The following TUBGCP4 variants were observed in gnomAD, a reference collection of about 807,000 sequenced individuals.
The protein encoded by TUBGCP4 is tubulin gamma complex component 4, also known as gamma-tubulin complex component 4.
A neutral mutation model predicts 91.6 loss-of-function variants in TUBGCP4; 54 were observed. The observed-to-expected ratio is 0.59, with a 90% CI of 0.47 to 0.74. The LOEUF (loss-of-function observed/expected upper bound fraction) is 0.74, where lower values mean the gene tolerates loss of function less well. TUBGCP4 is among the 30% of genes least tolerant of loss of function. The pLI, the probability that TUBGCP4 is intolerant of heterozygous loss-of-function variation, is 0.00. For synonymous variants in TUBGCP4, 297 were observed against 302.8 expected (o/e 0.98, Z 0.20); for missense variants, 593 against 800.9 (o/e 0.74, Z 3.13).
intron 14 of TUBGCP4, 44 bp from the exon 15 acceptor site, chr15:43,401,672 C>G: frequency 6.2e-7 from 1 of 1,605,942 alleles, no homozygotes; most frequent in South Asian, 1.1e-5. Context: ...TCTTCGAGTG[C>G]TTAGAATATG....
intron 6 of TUBGCP4, among the ~76,000 whole-genome samples, chr15:43,382,693 CT>C (rs1301128691): frequency 6.6e-6 from 1 of 152,160 alleles, no homozygotes; most frequent in African/African-American, 2.4e-5. Context: ...GATCACTTGG[CT>C]TAGGTGTTTT....
Position 43,393,850 on chromosome 15 carries a change from G to A in TUBGCP4, c.1015-1257G>A, listed in dbSNP as rs137907288. The stretch of plus-strand genomic sequence containing the variant: ...TTTACGATTAACAAAATGTGGTTTC[G>A]ATCTCTTGACCTTGTGCTCTGCCCA... On this transcript the variant is annotated intron_variant, in intron 9 of 17. Transcript: ENST00000564079. Among the ~76,000 whole-genome samples the A allele has an allele frequency of 5.9e-5, 9 of 152,222 alleles. No individual in the cohort carries two copies. In the East Asian group the frequency reaches 1.5e-3, roughly 26 times the overall value.
chr15:43,409,419 T>C lies in TUBGCP4; in HGVS notation c.*4205T>C. ...CTAAACATAAACATCAATCTTCTTTTGTCCCAGCAACAGAACCATAGCCAT... is the reference window on the plus strand; with the variant it reads ...CTAAACATAAACATCAATCTTCTTTCGTCCCAGCAACAGAACCATAGCCAT... On this transcript the variant is annotated 3_prime_UTR_variant, in exon 18 of 18. Coordinates refer to ENST00000564079, the MANE Select transcript of TUBGCP4 (RefSeq NM_014444.5). The C allele has an allele frequency of 3.7e-6, 2 of 539,324 alleles. No homozygotes were observed. The highest frequency in any genetic ancestry group is 6.6e-6 in the Non-Finnish European group (2 of 305,314). The allele number at this position is 539,324 out of a possible 1,614,324, so 33.4% of individuals were successfully genotyped here. A position where few individuals can be genotyped will look rare whatever the true frequency, so the allele number is the denominator to read the frequency against.
Position 43,407,307 on chromosome 15 carries a change from A to C in TUBGCP4, c.*2093A>C. 1.5e-6 allele frequency: 2 copies of C among 1,313,820 alleles called. No homozygotes were observed. Among genetic ancestry groups the C allele is most frequent in the Non-Finnish European group, 2.2e-6 (2 of 925,202 alleles). 81.4% of individuals were successfully genotyped at this position (1,313,820 alleles called of 1,614,324 possible). A position where few individuals can be genotyped will look rare whatever the true frequency, so the allele number is the denominator to read the frequency against. On this transcript the variant is annotated 3_prime_UTR_variant, in exon 18 of 18. Transcript: ENST00000564079. ...ATCCATGCAAGGAATCCAGTTACAC[A>C]CAAGACACATTTAAAACCTGGTTAA...
chr15:43,408,743 T>C lies in TUBGCP4; in HGVS notation c.*3529T>C, dbSNP rs913476658. 10 of 705,236 alleles carry C rather than the reference T, an allele frequency of 1.4e-5. No homozygotes were observed. Among genetic ancestry groups the C allele is most frequent in the Non-Finnish European group, 2.1e-5 (9 of 428,770 alleles). 43.7% of individuals were successfully genotyped at this position (705,236 alleles called of 1,614,324 possible). A position where few individuals can be genotyped will look rare whatever the true frequency, so the allele number is the denominator to read the frequency against. On this transcript the variant is annotated 3_prime_UTR_variant, in exon 18 of 18. Transcript: ENST00000564079. Reference sequence around the variant, plus strand: ...GCCAATGTAACCTAGGGAAATAAACTAGATAAACTCCTGAAGTCATTTCAA... The same window carrying C: ...GCCAATGTAACCTAGGGAAATAAACCAGATAAACTCCTGAAGTCATTTCAA...
chr15:43,408,622 A>G lies in TUBGCP4; in HGVS notation c.*3408A>G. ...CCAAATCATGCTCCTGAGCCTATAT[A>G]TTTTTAATGCTTGCTTAAAACTTAG... On this transcript the variant is annotated 3_prime_UTR_variant, in exon 18 of 18. Coordinates refer to ENST00000564079, the MANE Select transcript of TUBGCP4 (RefSeq NM_014444.5). 2.3e-6 allele frequency: 1 copy of G among 430,096 alleles called. No homozygotes were observed. Among genetic ancestry groups the G allele is most frequent in the Non-Finnish European group, 4.3e-6 (1 of 233,804 alleles). 26.6% of individuals were successfully genotyped at this position (430,096 alleles called of 1,614,324 possible).
rs1426051933 is a variant in TUBGCP4, at chr15:43,408,230, C to T, written c.*3016C>T. 10 of 856,618 alleles carry T rather than the reference C, an allele frequency of 1.2e-5. No individual in the cohort carries two copies. Among genetic ancestry groups the T allele is most frequent in the Non-Finnish European group, 1.7e-5 (10 of 572,920 alleles). 53.1% of individuals were successfully genotyped at this position (856,618 alleles called of 1,614,324 possible). A position where few individuals can be genotyped will look rare whatever the true frequency, so the allele number is the denominator to read the frequency against. On this transcript the variant is annotated 3_prime_UTR_variant, in exon 18 of 18. Coordinates refer to ENST00000564079, the MANE Select transcript of TUBGCP4 (RefSeq NM_014444.5). ...TAGTGTCTCAAGCCTGTAATCCCAG[C>T]ACTTTGGGAGGCTGTCGTGGTTGGA... is the stretch of plus-strand genomic sequence containing the variant.
chr15:43,392,571 T>G (rs1470526613), intron 9 of TUBGCP4, among the ~76,000 whole-genome samples: 1 of 152,202 alleles, frequency 6.6e-6, no homozygotes, highest in East Asian at 1.9e-4. Flanking sequence ...TGATCTCGGC[T>G]CACTGCAACC....
At chr15:43,388,958 T>C (rs1400487839) in intron 9 of TUBGCP4, among the ~76,000 whole-genome samples, 1 of 152,200 alleles carries the variant, frequency 6.6e-6, no homozygotes, top group Non-Finnish European at 1.5e-5. Context: ...TTCTGTAAAG[T>C]TCAAAAACAG....
chr15:43,380,055 C>A, intron 5 of TUBGCP4, 29 bp from the exon 6 acceptor site: 1 of 1,608,088 alleles, frequency 6.2e-7, no homozygotes, highest in Middle Eastern at 1.7e-4. Context: ...AGAATGGAAT[C>A]CAGTTTGACA....
Position 43,371,191 on chromosome 15 carries a change from C to G in TUBGCP4, c.-164C>G. On this transcript the variant is annotated 5_prime_UTR_variant, in exon 1 of 18. Transcript: ENST00000564079. Reference sequence around the variant, plus strand: ...CCCCCGCGACCCCTTCCCAGCTTCCCGTCCGCTCCGCCGCAGCGATTGTCT... The same window carrying G: ...CCCCCGCGACCCCTTCCCAGCTTCCGGTCCGCTCCGCCGCAGCGATTGTCT... 1.4e-6 allele frequency: 1 copy of G among 704,394 alleles called. No individual in the cohort carries two copies. Among genetic ancestry groups the G allele is most frequent in the Non-Finnish European group, 2.4e-6 (1 of 418,196 alleles). The allele number at this position is 704,394 out of a possible 1,614,324, so 43.6% of individuals were successfully genotyped here. A position where few individuals can be genotyped will look rare whatever the true frequency, so the allele number is the denominator to read the frequency against.
chr15:43,390,664 AC>A (rs1329021547), intron 9 of TUBGCP4, among the ~76,000 whole-genome samples: 1 of 151,696 alleles, frequency 6.6e-6, no homozygotes, highest in Non-Finnish European at 1.5e-5. Flanking sequence ...GTGCACCACA[AC>A]GCCCAGCTAA....
intron 9 of TUBGCP4, chr15:43,394,343 A>T (rs1414002334): frequency 6.6e-6 from 1 of 152,142 alleles, no homozygotes; most frequent in South Asian, 2.1e-4. Flanking sequence ...CAGCCTCCTT[A>T]AGTCCTGGGA....
intron 2 of TUBGCP4, 93 bp downstream of exon 2, chr15:43,376,319 A>C: frequency 1.2e-6 from 2 of 1,603,808 alleles, no homozygotes; most frequent in East Asian, 4.5e-5. Flanking sequence ...TCAAGCTTTC[A>C]GTGAATTTAT....
At position 43,395,054 on chromosome 15, in the gene TUBGCP4, A is replaced by G. The variant is rs545117048; in HGVS notation, c.1015-53A>G. 188 of 1,583,858 alleles carry G rather than the reference A, an allele frequency of 1.2e-4. 4 individuals carry two copies. In the South Asian group the frequency reaches 2.0e-3, roughly 17 times the overall value. On this transcript the variant is annotated intron_variant, in intron 9 of 17. Transcript: ENST00000564079. ...GGATTTGTATGGAACCATTCTTTGC[A>G]GGAGTTCTCACTGTAATGAAATTTG...
At position 43,406,717 on chromosome 15, in the gene TUBGCP4, T is replaced by G. The variant is rs1263659531; in HGVS notation, c.*1503T>G. ...TGTGACAATAATAATAATAATAATA[T>G]TGGGTCTTTGACTAGAACGTGTAAC... is the stretch of plus-strand genomic sequence containing the variant. On this transcript the variant is annotated 3_prime_UTR_variant, in exon 18 of 18. Transcript: ENST00000564079. 1 of 420,934 alleles carries G rather than the reference T, an allele frequency of 2.4e-6. No homozygotes were observed. Among genetic ancestry groups the G allele is most frequent in the Non-Finnish European group, 4.7e-6 (1 of 213,396 alleles). The allele number at this position is 420,934 out of a possible 1,614,324, so 26.1% of individuals were successfully genotyped here.
chr15:43,400,251 G>T, intron 14 of TUBGCP4, 30 bp downstream of exon 14: 3 of 1,597,596 alleles, frequency 1.9e-6, no homozygotes, highest in Non-Finnish European at 2.6e-6. Flanking sequence ...TAGAAGGAAG[G>T]GGTACGGAAA....
Position 43,404,482 on chromosome 15 carries a change from G to A in TUBGCP4, c.1918G>A (p.Asp640Asn). Residue 640 changes from aspartate to asparagine, a missense_variant, in exon 17 of 18, where the codon GAT becomes AAT. Physicochemically the swap from Asp to Asn is conservative, Grantham distance 23. Coordinates refer to ENST00000564079, the MANE Select transcript of TUBGCP4 (RefSeq NM_014444.5). ...TGTTCGGAATCATCAGATCAACTCA[G>A]ATTTGGCTCAACTACTGTTACGACT... is the stretch of plus-strand genomic sequence containing the variant. ...SSVRNHQINS[D>N]LAQLLLRLDY... is the part of the protein sequence containing the mutation. 1.2e-6 allele frequency: 2 copies of A among 1,614,128 alleles called. No homozygotes were observed. Among genetic ancestry groups the A allele is most frequent in the Non-Finnish European group, 1.7e-6 (2 of 1,180,022 alleles).
In TUBGCP4 at chr15:43,406,807, A is replaced by C. The variant is rs1262503218; in HGVS notation, c.*1593A>C. On this transcript the variant is annotated 3_prime_UTR_variant, in exon 18 of 18. Coordinates refer to ENST00000564079, the MANE Select transcript of TUBGCP4 (RefSeq NM_014444.5). ...TACGGAAGGTCATTCCATCAAGCTT[A>C]TGGTCACTGTCCCTTCATGGCAGTT... The C allele has an allele frequency of 5.7e-6, 2 of 349,874 alleles. No homozygotes were observed. Among genetic ancestry groups the C allele is most frequent in the Admixed American group, 7.3e-5 (2 of 27,268 alleles). 21.7% of individuals were successfully genotyped at this position (349,874 alleles called of 1,614,324 possible).
Sources: allele counts gnomAD v4.1 joint callset (sites outside exome capture counted in the v4.1 genomes callset), GRCh38; gene constraint gnomAD v4.1.1; transcripts MANE v1.5; gene names NCBI Gene and HGNC (gene_info 2026-07-23, HGNC 2026-07-21).